Variants in DYNC1I2 observed in about 807,000 individuals in gnomAD.
DYNC1I2 encodes the protein cytoplasmic dynein 1 intermediate chain 2.
Under a neutral mutation model 88.6 loss-of-function variants are expected in DYNC1I2, and 53 were observed. The ratio of observed to expected loss-of-function variants is 0.60; its 90% CI spans 0.48 to 0.75. DYNC1I2 has a LOEUF of 0.75. Ranked by LOEUF, DYNC1I2 falls within the 30% of genes least tolerant of loss-of-function variation. The pLI, the probability that DYNC1I2 is intolerant of heterozygous loss-of-function variation, is 0.00. For synonymous variants in DYNC1I2, 198 were observed against 254.6 expected (o/e 0.78, Z 2.12); for missense variants, 458 against 766.6 (o/e 0.60, Z 4.75).
At chr2:171,715,862 G>A (rs1687453668) in intron 7 of DYNC1I2, among the ~76,000 whole-genome samples, 1 of 152,080 alleles carries the variant, frequency 6.6e-6, no homozygotes, top group African/African-American at 2.4e-5. Flanking sequence ...ACTGTACCCT[G>A]ATGTTATTCA....
intron 6 of DYNC1I2, among the ~76,000 whole-genome samples, chr2:171,714,064 G>T (rs898309322): frequency 2.0e-5 from 3 of 151,998 alleles, no homozygotes; most frequent in Non-Finnish European, 2.9e-5. Context: ...CTATGTGAGT[G>T]ATTTACTTTT....
intron 6 of DYNC1I2, 151 bp from the exon 7 acceptor site, chr2:171,715,177 A>T: frequency 1.9e-6 from 1 of 528,212 alleles, no homozygotes; most frequent in Non-Finnish European, 3.4e-6. Flanking sequence ...TTTTGCTAAA[A>T]TAAAGCCAAT....
rs1323359018 is a variant in DYNC1I2, at chr2:171,748,155, A to G, written c.*266A>G. On this transcript the variant is annotated 3_prime_UTR_variant, in exon 18 of 18. Coordinates refer to ENST00000397119, the MANE Select transcript of DYNC1I2 (RefSeq NM_001378.3). ...AATACATAGGTGTATATTTGGTATT[A>G]GTTATTTTGAGTTCTTTTCAACTTA... is the stretch of plus-strand genomic sequence containing the variant. 8 of 337,378 alleles carry G rather than the reference A, an allele frequency of 2.4e-5. No individual in the cohort carries two copies. The East Asian group carries it at 4.3e-4, about 18-fold the overall frequency. The allele number at this position is 337,378 out of a possible 1,614,324, so 20.9% of individuals were successfully genotyped here. A position where few individuals can be genotyped will look rare whatever the true frequency, so the allele number is the denominator to read the frequency against.
At position 171,745,842 on chromosome 2, in the gene DYNC1I2, T is replaced by C. The variant is rs760900760; in HGVS notation, c.1718T>C (p.Leu573Pro). 6.2e-7 allele frequency: 1 copy of C among 1,613,904 alleles called. No individual in the cohort carries two copies. The highest frequency in any genetic ancestry group is 8.5e-7 in the Non-Finnish European group (1 of 1,179,800). ...ASISVEGNPA[L>P]NRVRWTHSGR... ...ATTTCTGTGGAGGGTAATCCTGCTC[T>C]TAATCGTGTGAGATGGACCCATTCT... is the stretch of plus-strand genomic sequence containing the variant. Residue 573 changes from leucine (L) to proline (P), a missense_variant, in exon 17 of 18, where the codon CTT becomes CCT. Physicochemically the swap from Leu to Pro is moderately conservative, Grantham distance 98 (BLOSUM62 -3). Transcript: ENST00000397119.
chr2:171,739,957 C>G (rs896565720), intron 15 of DYNC1I2, among the ~76,000 whole-genome samples: 3 of 152,098 alleles, frequency 2.0e-5, no homozygotes, highest in Non-Finnish European at 4.4e-5. Flanking sequence ...CCGCCTGCCT[C>G]AGCCCTCCTC....
chr2:171,733,441 C>T lies in DYNC1I2; in HGVS notation c.1536+3588C>T, dbSNP rs372239239. Among the ~76,000 whole-genome samples the T allele has an allele frequency of 3.1e-4, 43 of 139,344 alleles. 3 individuals are homozygous for T. The highest frequency in any genetic ancestry group is 9.7e-4 in the African/African-American group (37 of 38,334). The allele number at this position is 139,344 out of a possible 152,430, so 91.4% of individuals were successfully genotyped here. On this transcript the variant is annotated intron_variant, in intron 15 of 17. Coordinates refer to ENST00000397119, the MANE Select transcript of DYNC1I2 (RefSeq NM_001378.3). The stretch of plus-strand genomic sequence containing the variant: ...ACAGTGTAAAAACGTTCCTTTTTCT[C>T]CACAACCTTGCCAGCATCTTTTTTT...
chr2:171,708,715 C>T (rs1686872529), intron 5 of DYNC1I2, among the ~76,000 whole-genome samples: 1 of 150,876 alleles, frequency 6.6e-6, no homozygotes, highest in African/African-American at 2.4e-5. Flanking sequence ...ATTTTTTTTG[C>T]AGACAGGGTC....
intron 8 of DYNC1I2, 73 bp from the exon 9 acceptor site, chr2:171,725,846 T>C: frequency 7.3e-7 from 1 of 1,371,308 alleles, no homozygotes; most frequent in South Asian, 1.4e-5. Context: ...CATACATTGA[T>C]CCATACTGTG....
At chr2:171,735,500 C>CA (rs1481444874) in intron 15 of DYNC1I2, among the ~76,000 whole-genome samples, 1 of 152,068 alleles carries the variant, frequency 6.6e-6, no homozygotes, top group Non-Finnish European at 1.5e-5. Flanking sequence ...TTCAAAAATC[C>CA]AAAAATATTT....
intron 16 of DYNC1I2, among the ~76,000 whole-genome samples, chr2:171,745,462 A>C (rs1689715007): frequency 6.6e-6 from 1 of 152,202 alleles, no homozygotes; most frequent in African/African-American, 2.4e-5. Context: ...TTTCTTTTTA[A>C]ATGGGTTTTG....
intron 5 of DYNC1I2, among the ~76,000 whole-genome samples, chr2:171,708,512 G>C (rs543834196): frequency 3.3e-5 from 5 of 152,166 alleles, no homozygotes; most frequent in African/African-American, 9.6e-5. Flanking sequence ...GGAGGAAAAT[G>C]ACATAACTCT....
Position 171,728,431 on chromosome 2 carries a change from T to G in DYNC1I2, c.1257+13T>G, listed in dbSNP as rs765001646. 1.1e-5 allele frequency: 16 copies of G among 1,503,854 alleles called. No homozygotes were observed. In the Admixed American group the frequency reaches 1.8e-4, roughly 17 times the overall value. 93.2% of individuals were successfully genotyped at this position (1,503,854 alleles called of 1,614,324 possible). A position where few individuals can be genotyped will look rare whatever the true frequency, so the allele number is the denominator to read the frequency against. On this transcript the variant is annotated intron_variant, in intron 13 of 17. Coordinates refer to ENST00000397119, the MANE Select transcript of DYNC1I2 (RefSeq NM_001378.3). ...TTCCCATCCACAGGTGGGTTAAACT[T>G]GGGAAACTGAAATTTTGAGGCAAAT... is the stretch of plus-strand genomic sequence containing the variant.
intron 7 of DYNC1I2, among the ~76,000 whole-genome samples, chr2:171,724,602 TG>T (rs1453073139): frequency 2.0e-5 from 3 of 152,228 alleles, no homozygotes; most frequent in African/African-American, 7.2e-5. Context: ...GTCGTATGTA[TG>T]TGTGTTTTAG....
rs1188433317 is a variant in DYNC1I2 at position 171,729,858 on chromosome 2, C to G, written c.1536+5C>G. 2 of 1,613,366 alleles carry G rather than the reference C, an allele frequency of 1.2e-6. No homozygotes were observed. Among genetic ancestry groups the G allele is most frequent in the Admixed American group, 3.3e-5 (2 of 59,986 alleles). Reference sequence around the variant, plus strand: ...GTAAAGCTTTGGACAACTAAGGTATCTAAAATATAGATGTCTGCTATTTGC... The same window carrying G: ...GTAAAGCTTTGGACAACTAAGGTATGTAAAATATAGATGTCTGCTATTTGC... On this transcript the variant is annotated splice_donor_5th_base_variant and intron_variant, in intron 15 of 17. Transcript: ENST00000397119.
At chr2:171,722,838 A>C (rs569185901) in intron 7 of DYNC1I2, among the ~76,000 whole-genome samples, 1 of 152,282 alleles carries the variant, frequency 6.6e-6, no homozygotes, top group Non-Finnish European at 1.5e-5. Flanking sequence ...CATTTTTATG[A>C]AGCTTAAGTA....
intron 4 of DYNC1I2, chr2:171,707,054 G>T: frequency 3.2e-6 from 2 of 616,058 alleles, no homozygotes; most frequent in Non-Finnish European, 2.8e-6. Flanking sequence ...AAATTATAAA[G>T]CTCAAATGCA....
At chr2:171,727,478 C>T (rs1025619983) in intron 11 of DYNC1I2, among the ~76,000 whole-genome samples, 3 of 152,026 alleles carry the variant, frequency 2.0e-5, no homozygotes, top group Admixed American at 6.6e-5. Flanking sequence ...ATTAAACTAG[C>T]GTGTACTCTA....
intron 3 of DYNC1I2, among the ~76,000 whole-genome samples, chr2:171,701,306 A>T (rs1469395199): frequency 6.6e-6 from 1 of 152,112 alleles, no homozygotes. Flanking sequence ...AGTAGCTGGG[A>T]TTACAGACAT....
intron 2 of DYNC1I2, among the ~76,000 whole-genome samples, chr2:171,692,035 C>T (rs150969260): frequency 5.7e-4 from 86 of 152,008 alleles, no homozygotes; most frequent in Non-Finnish European, 1.1e-3. Flanking sequence ...AAAATTCACT[C>T]CAGACAGTGT....
Sources: allele counts gnomAD v4.1 joint callset (sites outside exome capture counted in the v4.1 genomes callset), GRCh38; gene constraint gnomAD v4.1.1; transcripts MANE v1.5; gene names NCBI Gene and HGNC (gene_info 2026-07-23, HGNC 2026-07-21).